PDE11A: variants seen among roughly 807,000 people sequenced by gnomAD.
PDE11A encodes dual 3',5'-cyclic-AMP and -GMP phosphodiesterase 11A.
PDE11A carries 100 observed loss-of-function variants against 100.5 expected under a neutral mutation model. The ratio of observed to expected loss-of-function variants is 1.00; its 90% CI spans 0.85 to 1.18. The LOEUF (loss-of-function observed/expected upper bound fraction) is 1.18, where lower values mean the gene tolerates loss of function less well. PDE11A is among the 50% of genes most tolerant of loss of function. The pLI, the probability that PDE11A is intolerant of heterozygous loss-of-function variation, is 0.00. For synonymous variants in PDE11A, 381 were observed against 420.8 expected (o/e 0.91, Z 1.16); for missense variants, 1,141 against 1,152.6 (o/e 0.99, Z 0.15).
At chr2:178,045,204 A>G (rs901337044) in intron 1 of PDE11A, among the ~76,000 whole-genome samples, 1 of 152,190 alleles carries the variant, frequency 6.6e-6, no homozygotes, top group African/African-American at 2.4e-5. Context: ...CAAGTATAAG[A>G]CCTGCATAGA....
At chr2:177,964,810 T>C (rs2085678438) in intron 2 of PDE11A, among the ~76,000 whole-genome samples, 1 of 152,214 alleles carries the variant, frequency 6.6e-6, no homozygotes, top group Non-Finnish European at 1.5e-5. Flanking sequence ...TTTGTTGTTG[T>C]GACTAGTGCT....
rs2086850549 is a variant in PDE11A at position 178,053,149 on chromosome 2, CAGAA to C, written c.912+18373_912+18376del. Among the ~76,000 whole-genome samples the C allele has an allele frequency of 2.0e-5, 3 of 152,306 alleles. No homozygotes were observed. The South Asian group carries it at 6.2e-4, about 32-fold the overall frequency. On this transcript the variant is annotated intron_variant, in intron 1 of 19. Coordinates refer to ENST00000286063, the MANE Select transcript of PDE11A (RefSeq NM_016953.4). ...TGGCAAACTGAATCCAGCAGCACAT[CAGAA>C]AGCTTATCCACCATGATCAAGTGGG...
In PDE11A at chr2:177,835,274, T is replaced by G. The variant is rs556335760; in HGVS notation, c.1500+4977A>C. On this transcript the variant is annotated intron_variant, in intron 6 of 19. Coordinates refer to ENST00000286063, the MANE Select transcript of PDE11A (RefSeq NM_016953.4). ...GGACACCTTATCCTGTCTTCCTAGC[T>G]GGGTAACCATTCATCTTTAGTCTGT... 7.2e-5 allele frequency among the ~76,000 whole-genome samples: 11 copies of G among 152,334 alleles called. No individual in the cohort carries two copies. In the East Asian group the frequency reaches 1.5e-3, roughly 21 times the overall value.
rs535484057 is a variant in PDE11A, at chr2:177,972,006, A to G, written c.1071+42296T>C. On this transcript the variant is annotated intron_variant, in intron 2 of 19. Transcript: ENST00000286063. ...TCTCATAAGAAAGTAAGAAATACAT[A>G]TCACTTTCTTATTTGTCTTCCTCAC... is the stretch of plus-strand genomic sequence containing the variant. Among the ~76,000 whole-genome samples the G allele has an allele frequency of 4.6e-5, 7 of 152,364 alleles. No homozygotes were observed. In the South Asian group the frequency reaches 1.2e-3, roughly 27 times the overall value.
intron 2 of PDE11A, among the ~76,000 whole-genome samples, chr2:177,926,461 C>T (rs1260654135): frequency 2.0e-5 from 3 of 152,088 alleles, no homozygotes; most frequent in Non-Finnish European, 4.4e-5. Flanking sequence ...AACTCAGTAT[C>T]TCCTCAATCT....
intron 2 of PDE11A, among the ~76,000 whole-genome samples, chr2:177,945,188 C>T (rs959416285): frequency 4.6e-5 from 7 of 151,532 alleles, no homozygotes; most frequent in Non-Finnish European, 1.0e-4. Context: ...ACCTCCCAGC[C>T]GCCTGCCTTG....
intron 19 of PDE11A, among the ~76,000 whole-genome samples, chr2:177,651,150 C>T (rs1327403024): frequency 6.6e-6 from 1 of 152,176 alleles, no homozygotes; most frequent in Non-Finnish European, 1.5e-5. Context: ...GAAAGTTAGT[C>T]TTGAGCACAT....
At chr2:177,984,560 T>G (rs2105805405) in intron 2 of PDE11A, among the ~76,000 whole-genome samples, 1 of 152,312 alleles carries the variant, frequency 6.6e-6, no homozygotes, top group East Asian at 1.9e-4. Context: ...AAGAGCTCCT[T>G]GGGATATATA....
intron 2 of PDE11A, among the ~76,000 whole-genome samples, chr2:177,940,965 T>C (rs919269773): frequency 2.0e-5 from 3 of 150,656 alleles, no homozygotes; most frequent in Admixed American, 1.3e-4. Context: ...GGACTCAATA[T>C]CTAAATAAAG....
intron 2 of PDE11A, among the ~76,000 whole-genome samples, chr2:178,011,507 G>A (rs776984798): frequency 1.3e-5 from 2 of 152,186 alleles, no homozygotes; most frequent in Non-Finnish European, 2.9e-5. Context: ...AGGTATAGGG[G>A]AAGAGGTGCA....
chr2:177,636,494 T>G (rs1001138556), intron 19 of PDE11A, among the ~76,000 whole-genome samples: 1 of 152,226 alleles, frequency 6.6e-6, no homozygotes, highest in Non-Finnish European at 1.5e-5. Context: ...TTTTACTGAA[T>G]GCTTAGTTGG....
intron 19 of PDE11A, among the ~76,000 whole-genome samples, chr2:177,646,259 CTG>C (rs1471628915): frequency 6.6e-6 from 1 of 152,210 alleles, no homozygotes; most frequent in Non-Finnish European, 1.5e-5. Flanking sequence ...ATTTTAAAAA[CTG>C]TATTCAACTG....
chr2:177,721,990 C>T (rs1050447958), intron 12 of PDE11A, among the ~76,000 whole-genome samples: 1 of 152,112 alleles, frequency 6.6e-6, no homozygotes, highest in Non-Finnish European at 1.5e-5. Flanking sequence ...AATCATACAC[C>T]GTGGAAAATG....
rs143799511 is a variant in PDE11A, at chr2:178,077,961, A to G, written c.162+26341T>C. Among the ~76,000 whole-genome samples the G allele has an allele frequency of 1.1e-3, 167 of 152,088 alleles. 1 individual carries two copies. The highest frequency in any genetic ancestry group is 3.9e-3 in the African/African-American group (161 of 41,508). Reference sequence around the variant, plus strand: ...AAAAATCAATCTTCTGAATGCCTTGATTTTGGAGTTCTGGCCTCCAGAACT... The same window carrying G: ...AAAAATCAATCTTCTGAATGCCTTGGTTTTGGAGTTCTGGCCTCCAGAACT... On this transcript the variant is annotated intron_variant, in intron 2 of 20. Coordinates refer to the PDE11A transcript ENST00000358450.
At chr2:178,024,535 G>C (rs1294308884) in intron 1 of PDE11A, among the ~76,000 whole-genome samples, 1 of 152,112 alleles carries the variant, frequency 6.6e-6, no homozygotes, top group Non-Finnish European at 1.5e-5. Flanking sequence ...TTCCCTGAAG[G>C]CTTCATGAAC....
At chr2:177,918,732 G>A (rs1026642974) in intron 2 of PDE11A, among the ~76,000 whole-genome samples, 1 of 152,106 alleles carries the variant, frequency 6.6e-6, no homozygotes, top group African/African-American at 2.4e-5. Context: ...ATGTAAACTT[G>A]TATATTTTAA....
intron 19 of PDE11A, among the ~76,000 whole-genome samples, chr2:177,663,588 T>C (rs1013834726): frequency 2.0e-5 from 3 of 152,120 alleles, no homozygotes; most frequent in Non-Finnish European, 4.4e-5. Flanking sequence ...GTTTGAGAGA[T>C]AGTAAATAAA....
chr2:177,810,534 G>A (rs1378740707), intron 9 of PDE11A, among the ~76,000 whole-genome samples: 4 of 152,206 alleles, frequency 2.6e-5, no homozygotes, highest in African/African-American at 4.8e-5. Context: ...AACAGAGAAT[G>A]ACAAAAGTGG....
intron 1 of PDE11A, among the ~76,000 whole-genome samples, chr2:178,026,779 TTTAG>T (rs2086484234): frequency 1.3e-5 from 2 of 152,158 alleles, no homozygotes; most frequent in Non-Finnish European, 2.9e-5. Flanking sequence ...AATAAGTGTA[TTTAG>T]TTAATCAAAA....
Sources: gnomAD v4.1 joint callset for allele counts (sites outside exome capture counted in the v4.1 genomes callset) on GRCh38, gnomAD v4.1.1 for gene constraint, MANE v1.5 for transcripts, NCBI Gene and HGNC (gene_info 2026-07-23, HGNC 2026-07-21) for gene names.